FRMD3: variants seen among roughly 807,000 people sequenced by gnomAD.
FRMD3 encodes the protein FERM domain-containing protein 3.
A neutral mutation model predicts 70.2 loss-of-function variants in FRMD3; 33 were observed. The ratio of observed to expected loss-of-function variants is 0.47; its 90% confidence interval spans 0.36 to 0.63. FRMD3 has a LOEUF of 0.63. FRMD3 is among the 20% of genes least tolerant of loss of function. The pLI, the probability that FRMD3 is intolerant of heterozygous loss-of-function variation, is 0.00. For synonymous variants in FRMD3, 279 were observed against 255.9 expected (o/e 1.09, Z -0.86); for missense variants, 632 against 711.4 (o/e 0.89, Z 1.27).
chr9:83,362,765 C>T (rs555026108), intron 3 of FRMD3, among the ~76,000 whole-genome samples: 5 of 143,324 alleles, frequency 3.5e-5, no homozygotes, highest in African/African-American at 1.3e-4. Flanking sequence ...CCTTCCTTCT[C>T]TCCTTCCTTC....
At chr9:83,568,118 T>C in the FRMD3 span, among the ~76,000 whole-genome samples, 3,289 of 152,300 alleles carry the variant, frequency 0.022, 102 homozygotes, top group African/African-American at 0.069. Context: ...ATGAAAGGCA[T>C]TTCTTACATG....
In FRMD3 at chr9:83,437,927, AAG is replaced by A. The variant is rs1827183357; in HGVS notation, c.148-48221_148-48220del. 1.3e-5 allele frequency among the ~76,000 whole-genome samples: 2 copies of A among 152,286 alleles called. 1 individual carries two copies. The highest frequency in any genetic ancestry group is 4.1e-4 in the South Asian group (2 of 4,826). ...AGCAGGGGGATCCTCAAGAGCACAAAAGAGAGTGCAGGATAAAAAGAGAGAAG... is the reference window on the plus strand; with the variant it reads ...AGCAGGGGGATCCTCAAGAGCACAAAAGAGTGCAGGATAAAAAGAGAGAAG... On this transcript the variant is annotated intron_variant, in intron 1 of 13. Transcript: ENST00000304195.
chr9:83,439,567 A>G (rs1381230954), intron 1 of FRMD3, among the ~76,000 whole-genome samples: 2 of 152,276 alleles, frequency 1.3e-5, no homozygotes, highest in Non-Finnish European at 2.9e-5. Context: ...ATGCAGCAGC[A>G]GCACATTGCT....
At chr9:83,326,286 C>T (rs1836013578) in intron 6 of FRMD3, among the ~76,000 whole-genome samples, 1 of 152,116 alleles carries the variant, frequency 6.6e-6, no homozygotes, top group Non-Finnish European at 1.5e-5. Context: ...CCCTTGCTAG[C>T]CCTACATATG....
At chr9:83,539,338 G>A (rs561913614), upstream of FRMD3, among the ~76,000 whole-genome samples, 133 of 152,310 alleles carry the variant, frequency 8.7e-4, no homozygotes, top group Non-Finnish European at 1.5e-3. Context: ...GTCAGGTACC[G>A]TAGGCCCGAG....
At chr9:83,271,887 G>T (rs1213056707) in intron 13 of FRMD3, among the ~76,000 whole-genome samples, 1 of 152,190 alleles carries the variant, frequency 6.6e-6, no homozygotes, top group Non-Finnish European at 1.5e-5. Flanking sequence ...GTTCTCAGTA[G>T]CTCTAAGACC....
intron 1 of FRMD3, among the ~76,000 whole-genome samples, chr9:83,464,263 C>A (rs757255778): frequency 6.6e-6 from 1 of 152,164 alleles, no homozygotes; most frequent in African/African-American, 2.4e-5. Context: ...GCTGTAGTGT[C>A]CTGATCAAAC....
chr9:83,349,561 C>A lies in FRMD3; in HGVS notation c.374+118G>T. The A allele has an allele frequency of 3.2e-6, 2 of 632,160 alleles. No homozygotes were observed. Among genetic ancestry groups the A allele is most frequent in the Non-Finnish European group, 5.4e-6 (2 of 370,394 alleles). 39.2% of individuals were successfully genotyped at this position (632,160 alleles called of 1,614,324 possible). A position where few individuals can be genotyped will look rare whatever the true frequency, so the allele number is the denominator to read the frequency against. On this transcript the variant is annotated intron_variant, in intron 4 of 13. Coordinates refer to ENST00000304195, the MANE Select transcript of FRMD3 (RefSeq NM_174938.6). ...GCATTCCAAGCAAAAACGCTGAATTCCAAGCTTGCAACACTGAGACGGTCA... is the reference window on the plus strand; with the variant it reads ...GCATTCCAAGCAAAAACGCTGAATTACAAGCTTGCAACACTGAGACGGTCA...
intron 1 of FRMD3, among the ~76,000 whole-genome samples, chr9:83,406,480 T>C (rs1826107005): frequency 6.6e-6 from 1 of 152,200 alleles, no homozygotes; most frequent in African/African-American, 2.4e-5. Flanking sequence ...AGATTCCAGC[T>C]AGGGCTCTTA....
At chr9:83,258,540 C>T (rs1345425385) in intron 13 of FRMD3, among the ~76,000 whole-genome samples, 1 of 152,232 alleles carries the variant, frequency 6.6e-6, no homozygotes, top group Non-Finnish European at 1.5e-5. Context: ...AATGAGGATA[C>T]TAATGACACT....
intron 1 of FRMD3, among the ~76,000 whole-genome samples, chr9:83,391,064 C>T (rs1825653136): frequency 6.6e-6 from 1 of 152,048 alleles, no homozygotes; most frequent in Non-Finnish European, 1.5e-5. Context: ...TCCAAAAAGC[C>T]TGGGATGCGC....
chr9:83,401,027 T>G (rs141615465), intron 1 of FRMD3, among the ~76,000 whole-genome samples: 1 of 152,188 alleles, frequency 6.6e-6, no homozygotes. Flanking sequence ...GATGCTAGCA[T>G]CACCTCCTCT....
chr9:83,507,131 C>T (rs1007567102), intron 1 of FRMD3, among the ~76,000 whole-genome samples: 1 of 152,008 alleles, frequency 6.6e-6, no homozygotes, highest in Non-Finnish European at 1.5e-5. Context: ...GAGGCCAAGG[C>T]GGGTGGATCA....
intron 3 of FRMD3, among the ~76,000 whole-genome samples, chr9:83,351,745 G>A (rs772469874): frequency 7.0e-6 from 1 of 143,196 alleles, no homozygotes; most frequent in Admixed American, 6.9e-5. Context: ...ATGCCATCCT[G>A]CTTCATTATT....
intron 3 of FRMD3, among the ~76,000 whole-genome samples, chr9:83,358,554 C>G (rs892019043): frequency 3.3e-5 from 5 of 152,254 alleles, no homozygotes; most frequent in Non-Finnish European, 4.4e-5. Flanking sequence ...TTGATTCCAT[C>G]CATCCATGAG....
At chr9:83,261,210 T>A (rs1232277753) in intron 13 of FRMD3, among the ~76,000 whole-genome samples, 2 of 151,376 alleles carry the variant, frequency 1.3e-5, no homozygotes, top group Non-Finnish European at 2.9e-5. Flanking sequence ...CATGTAAACA[T>A]CTTCTCCTGG....
chr9:83,267,609 A>G (rs989658138), intron 13 of FRMD3, among the ~76,000 whole-genome samples: 2 of 152,198 alleles, frequency 1.3e-5, no homozygotes, highest in Admixed American at 6.5e-5. Flanking sequence ...TCAAAGAGGG[A>G]AAAAAAGCAT....
intron 1 of FRMD3, among the ~76,000 whole-genome samples, chr9:83,527,213 T>C (rs1366301681): frequency 6.6e-6 from 1 of 152,206 alleles, no homozygotes; most frequent in Non-Finnish European, 1.5e-5. Flanking sequence ...GAGAAGGCAG[T>C]CACTAAGCCT....
intron 1 of FRMD3, among the ~76,000 whole-genome samples, chr9:83,431,575 G>A (rs761504477): frequency 7.3e-5 from 11 of 149,908 alleles, no homozygotes; most frequent in South Asian, 2.1e-4. Context: ...TAAGTTTAGC[G>A]TTTTTTTTTA....
Sources: allele counts gnomAD v4.1 joint callset (sites outside exome capture counted in the v4.1 genomes callset), GRCh38; gene constraint gnomAD v4.1.1; transcripts MANE v1.5; gene names NCBI Gene and HGNC (gene_info 2026-07-23, HGNC 2026-07-21).